The following FANCC variants were observed in gnomAD, a reference collection of about 807,000 sequenced individuals.
FANCC encodes the protein Fanconi anemia group C protein.
FANCC carries 55 observed loss-of-function variants against 71.3 expected under a neutral mutation model. The observed-to-expected ratio is 0.77, with a 90% CI of 0.62 to 0.97. The LOEUF is 0.97. FANCC is among the 50% of genes least tolerant of loss of function. The pLI, the probability that FANCC is intolerant of heterozygous loss-of-function variation, is 0.00. For missense variants in FANCC, 678 were observed against 670.9 expected, an observed-to-expected ratio of 1.01 and a Z score of -0.12; for synonymous variants, 275 against 244.9, an observed-to-expected ratio of 1.12 and a Z score of -1.15.
intron 1 of FANCC, among the ~76,000 whole-genome samples, chr9:95,310,120 T>C (rs1403485434): frequency 7.2e-5 from 11 of 152,156 alleles, no homozygotes; most frequent in Admixed American, 7.2e-4. Flanking sequence ...CACAGCACTT[T>C]GGGAGACCCA....
At chr9:95,199,523 T>A (rs1332688150) in intron 4 of FANCC, among the ~76,000 whole-genome samples, 1 of 152,078 alleles carries the variant, frequency 6.6e-6, no homozygotes, top group Non-Finnish European at 1.5e-5. Flanking sequence ...TAGCCACCCT[T>A]CTCCCAGGGC....
At chr9:95,210,729 T>C (rs1401589002) in intron 4 of FANCC, among the ~76,000 whole-genome samples, 2 of 152,172 alleles carry the variant, frequency 1.3e-5, no homozygotes, top group South Asian at 2.1e-4. Context: ...CATTCCAAAA[T>C]TCAGTCTCAA....
At chr9:95,121,849 A>G (rs2072905137) in intron 10 of FANCC, among the ~76,000 whole-genome samples, 1 of 151,632 alleles carries the variant, frequency 6.6e-6, no homozygotes, top group African/African-American at 2.4e-5. Context: ...GATAATAAAC[A>G]TAAAATTCAT....
At chr9:95,270,201 C>G (rs1473477091) in intron 1 of FANCC, among the ~76,000 whole-genome samples, 2 of 152,200 alleles carry the variant, frequency 1.3e-5, no homozygotes, top group African/African-American at 4.8e-5. Flanking sequence ...ATGTCAGCCT[C>G]TCCCATGCCT....
intron 1 of FANCC, among the ~76,000 whole-genome samples, chr9:95,304,894 C>T (rs1467371462): frequency 6.6e-6 from 1 of 151,918 alleles, no homozygotes; most frequent in Non-Finnish European, 1.5e-5. Context: ...CAACTATGTG[C>T]TTCCACAGTT....
intron 3 of FANCC, among the ~76,000 whole-genome samples, chr9:95,242,920 GC>G (rs1329111660): frequency 6.6e-6 from 1 of 152,196 alleles, no homozygotes; most frequent in Non-Finnish European, 1.5e-5. Context: ...ATGGGAAACT[GC>G]CTGGGATTCA....
rs1057521714 is a variant in FANCC, at chr9:95,125,188, G to A, written c.897-3C>T. 5.0e-6 allele frequency: 8 copies of A among 1,611,846 alleles called. No individual in the cohort carries two copies. Among genetic ancestry groups the A allele is most frequent in the Non-Finnish European group, 5.9e-6 (7 of 1,178,028 alleles). On this transcript the variant is annotated splice_polypyrimidine_tract_variant and splice_region_variant and intron_variant, in intron 9 of 14. Coordinates refer to ENST00000289081, the MANE Select transcript of FANCC (RefSeq NM_000136.3). Reference sequence around the variant, plus strand: ...CATCGGTTTCCAGGAGTGCACACCTGAACAATGCAAAGTCAGATCAGAACA... The same window carrying A: ...CATCGGTTTCCAGGAGTGCACACCTAAACAATGCAAAGTCAGATCAGAACA...
chr9:95,210,422 A>C (rs1828419186), intron 4 of FANCC, among the ~76,000 whole-genome samples: 2 of 152,166 alleles, frequency 1.3e-5, no homozygotes, highest in African/African-American at 4.8e-5. Context: ...GGCTTAATAA[A>C]CCTTAATCAG....
At chr9:95,172,216 C>T (rs1825733245) in intron 4 of FANCC, 69 bp from the exon 5 acceptor site, 2 of 985,008 alleles carry the variant, frequency 2.0e-6, no homozygotes, top group Non-Finnish European at 3.2e-6. Flanking sequence ...TGTACAATGC[C>T]TACAATTTAT....
Position 95,100,792 on chromosome 9 carries a change from C to G in FANCC, c.*915G>C. ...ATTACAGATGCATGCCATTGCACCCCGATAATTTTTGTATTTTTAGTAGAG... is the reference window on the plus strand; with the variant it reads ...ATTACAGATGCATGCCATTGCACCCGGATAATTTTTGTATTTTTAGTAGAG... On this transcript the variant is annotated 3_prime_UTR_variant, in exon 15 of 15. Transcript: ENST00000289081. 4.4e-6 allele frequency: 1 copy of G among 225,260 alleles called. No homozygotes were observed. Among genetic ancestry groups the G allele is most frequent in the Admixed American group, 5.7e-5 (1 of 17,512 alleles). The allele number at this position is 225,260 out of a possible 1,614,324, so 14.0% of individuals were successfully genotyped here.
intron 1 of FANCC, among the ~76,000 whole-genome samples, chr9:95,251,209 T>C (rs1171053578): frequency 1.3e-5 from 2 of 152,224 alleles, no homozygotes; most frequent in Admixed American, 6.5e-5. Flanking sequence ...ACTCAAAAAA[T>C]ACTGAATTAA....
chr9:95,113,294 G>A (rs984666463), intron 12 of FANCC, among the ~76,000 whole-genome samples: 13 of 152,188 alleles, frequency 8.5e-5, no homozygotes, highest in African/African-American at 2.2e-4. Flanking sequence ...GTGTCAACTC[G>A]GTGTGAGACT....
At chr9:95,208,594 C>T (rs1284911798) in intron 4 of FANCC, among the ~76,000 whole-genome samples, 1 of 152,174 alleles carries the variant, frequency 6.6e-6, no homozygotes, top group African/African-American at 2.4e-5. Context: ...CTGTAATGGA[C>T]ACCTCGTCAA....
intron 1 of FANCC, among the ~76,000 whole-genome samples, chr9:95,313,480 A>G (rs990843933): frequency 6.6e-6 from 1 of 152,210 alleles, no homozygotes; most frequent in African/African-American, 2.4e-5. Flanking sequence ...TGAATTTGTA[A>G]TTTCAAATTT....
intron 8 of FANCC, 103 bp from the exon 9 acceptor site, chr9:95,126,684 A>T: frequency 8.5e-7 from 1 of 1,174,800 alleles, no homozygotes; most frequent in Non-Finnish European, 1.3e-6. Context: ...TGATGTCCAG[A>T]AAACTGGCAT....
chr9:95,148,960 T>C (rs1029188569), intron 7 of FANCC, among the ~76,000 whole-genome samples: 1 of 152,326 alleles, frequency 6.6e-6, no homozygotes, highest in East Asian at 1.9e-4. Context: ...ATTTTCTTCA[T>C]ACACTTCAAC....
chr9:95,257,361 C>A (rs939548855), intron 1 of FANCC, among the ~76,000 whole-genome samples: 1 of 152,280 alleles, frequency 6.6e-6, no homozygotes, highest in Middle Eastern at 3.4e-3. Flanking sequence ...CAAATTAGAA[C>A]TCAGGATTAA....
chr9:95,194,251 C>A (rs746320127), intron 4 of FANCC, among the ~76,000 whole-genome samples: 5 of 152,108 alleles, frequency 3.3e-5, no homozygotes, highest in Non-Finnish European at 5.9e-5. Flanking sequence ...TGGAGCTCTG[C>A]TGGTGACAAA....
intron 4 of FANCC, among the ~76,000 whole-genome samples, chr9:95,202,808 T>C (rs923245504): frequency 3.3e-5 from 5 of 152,164 alleles, no homozygotes; most frequent in African/African-American, 1.2e-4. Context: ...AAATATTAGG[T>C]AACTGAGGCA....
Sources: allele counts gnomAD v4.1 joint callset (sites outside exome capture counted in the v4.1 genomes callset), GRCh38; gene constraint gnomAD v4.1.1; transcripts MANE v1.5; gene names NCBI Gene and HGNC (gene_info 2026-07-23, HGNC 2026-07-21).